CCDC91: variants seen among roughly 807,000 people sequenced by gnomAD.
CCDC91 encodes coiled-coil domain-containing protein 91.
A neutral mutation model predicts 63.2 loss-of-function variants in CCDC91; 48 were observed. That is an observed-to-expected ratio of 0.76 (90% CI 0.60 to 0.97). CCDC91 has a LOEUF of 0.97. Among genes scored for constraint, CCDC91 ranks in the 50% least tolerant of loss-of-function variants. The pLI is 0.00. For missense variants in CCDC91, 500 were observed against 494.6 expected, an observed-to-expected ratio of 1.01 and a Z score of -0.10; for synonymous variants, 167 against 165.8, an observed-to-expected ratio of 1.01 and a Z score of -0.06.
At chr12:28,352,764 C>T (rs74721863) in intron 6 of CCDC91, among the ~76,000 whole-genome samples, 4 of 144,638 alleles carry the variant, frequency 2.8e-5, no homozygotes, top group Non-Finnish European at 4.5e-5. Context: ...CTGTCATCCA[C>T]GCTTTGTTCT....
intron 3 of CCDC91, among the ~76,000 whole-genome samples, chr12:28,290,651 A>T (rs1949190171): frequency 6.6e-6 from 1 of 152,164 alleles, no homozygotes; most frequent in Non-Finnish European, 1.5e-5. Flanking sequence ...GTCCAAATAA[A>T]GCTTTCATCA....
Position 28,458,455 on chromosome 12 carries a change from C to CTTTTTTTTTTTTTTTT in CCDC91, c.1101+5818_1101+5833dup, listed in dbSNP as rs60083355. ...TTCCCTTTTGTCCTCATTTGCACAC[C>CTTTTTTTTTTTTTTTT]TTTTTTTTTTTTTTTTTTTTTTTTT... On this transcript the variant is annotated intron_variant, in intron 11 of 12. Coordinates refer to ENST00000536442, the MANE Select transcript of CCDC91 (RefSeq NM_018318.5). Among the ~76,000 whole-genome samples, 11 of 45,808 alleles carry CTTTTTTTTTTTTTTTT rather than the reference C, an allele frequency of 2.4e-4. 3 individuals carry two copies. The highest frequency in any genetic ancestry group is 1.2e-3 in the African/African-American group (11 of 9,076). The allele number at this position is 45,808 out of a possible 152,430, so 30.1% of individuals were successfully genotyped here.
At chr12:28,265,956 G>A (rs539973354) in intron 3 of CCDC91, among the ~76,000 whole-genome samples, 38 of 152,114 alleles carry the variant, frequency 2.5e-4, no homozygotes, top group African/African-American at 8.2e-4. Context: ...TAATTTTGTA[G>A]TGCCTTTACA....
chr12:28,501,130 G>A (rs576922367), intron 12 of CCDC91, among the ~76,000 whole-genome samples: 50 of 151,602 alleles, frequency 3.3e-4, no homozygotes, highest in Non-Finnish European at 5.5e-4. Context: ...AATTCTATAA[G>A]AAGCACTCTA....
chr12:28,408,226 C>G (rs1947091263), intron 8 of CCDC91, among the ~76,000 whole-genome samples: 1 of 152,098 alleles, frequency 6.6e-6, no homozygotes, highest in African/African-American at 2.4e-5. Flanking sequence ...TGGGTGAGAA[C>G]ATGTGGTGTT....
At chr12:28,264,193 T>TTA (rs2136245235) in intron 3 of CCDC91, among the ~76,000 whole-genome samples, 1 of 151,800 alleles carries the variant, frequency 6.6e-6, no homozygotes, top group East Asian at 1.9e-4. Context: ...GTTTAATATA[T>TTA]TACAGGTCTA....
At chr12:28,492,374 T>A (rs1443338876) in intron 12 of CCDC91, among the ~76,000 whole-genome samples, 3 of 151,792 alleles carry the variant, frequency 2.0e-5, no homozygotes, top group African/African-American at 7.2e-5. Context: ...TTTATAAAGA[T>A]TTTTTTATAT....
intron 1 of CCDC91, among the ~76,000 whole-genome samples, chr12:28,192,560 C>A (rs1941352143): frequency 6.6e-6 from 1 of 152,138 alleles, no homozygotes; most frequent in Non-Finnish European, 1.5e-5. Flanking sequence ...AAAGGCATCT[C>A]TCTTTGGATT....
intron 1 of CCDC91, among the ~76,000 whole-genome samples, chr12:28,212,514 G>GCGCATACC (rs1302268434): frequency 2.0e-5 from 3 of 152,116 alleles, no homozygotes; most frequent in African/African-American, 7.2e-5. Context: ...TCTTTTACAG[G>GCGCATACC]CGCATACCCC....
intron 8 of CCDC91, among the ~76,000 whole-genome samples, chr12:28,447,767 GAA>G (rs1949583237): frequency 2.0e-5 from 1 of 48,912 alleles, no homozygotes; most frequent in Non-Finnish European, 3.9e-5. Context: ...GGAGGGAAGG[GAA>G]GGGCAGGGCA....
chr12:28,416,235 T>C lies in CCDC91; in HGVS notation c.762+24824T>C, dbSNP rs550216706. Among the ~76,000 whole-genome samples the C allele has an allele frequency of 3.9e-5, 6 of 152,272 alleles. No individual in the cohort carries two copies. The South Asian group carries it at 1.2e-3, about 32-fold the overall frequency. ...TGTTATATCCCCACAACTATTATCA[T>C]TGTTGTTGCTGCACTAGCTTAGCAT... On this transcript the variant is annotated intron_variant, in intron 8 of 12. Coordinates refer to ENST00000536442, the MANE Select transcript of CCDC91 (RefSeq NM_018318.5).
chr12:28,264,473 A>G (rs1947042255), intron 3 of CCDC91, among the ~76,000 whole-genome samples: 3 of 151,318 alleles, frequency 2.0e-5, no homozygotes, highest in South Asian at 4.1e-4. Flanking sequence ...TAGTAAACTA[A>G]TAAGAGCAGA....
chr12:28,532,102 C>G (rs935422047), intron 12 of CCDC91, among the ~76,000 whole-genome samples: 8 of 151,894 alleles, frequency 5.3e-5, no homozygotes, highest in African/African-American at 1.9e-4. Context: ...TTATAGAGGG[C>G]ACAACATATA....
chr12:28,242,670 G>C (rs1462931614), intron 1 of CCDC91, among the ~76,000 whole-genome samples: 1 of 152,106 alleles, frequency 6.6e-6, no homozygotes, highest in African/African-American at 2.4e-5. Flanking sequence ...TTTCCCTGCA[G>C]GGAATTCTAA....
intron 11 of CCDC91, among the ~76,000 whole-genome samples, chr12:28,475,447 T>C (rs954960844): frequency 1.3e-5 from 2 of 152,118 alleles, no homozygotes; most frequent in African/African-American, 4.8e-5. Context: ...ACTGTATATC[T>C]ATTAAAATTT....
intron 1 of CCDC91, among the ~76,000 whole-genome samples, chr12:28,222,177 CT>C (rs1400598047): frequency 6.6e-6 from 1 of 152,078 alleles, no homozygotes; most frequent in African/African-American, 2.4e-5. Context: ...AATCTGGTCT[CT>C]GTGTTTCCAC....
chr12:28,284,983 A>C (rs1415507872), intron 3 of CCDC91, among the ~76,000 whole-genome samples: 1 of 152,178 alleles, frequency 6.6e-6, no homozygotes, highest in Non-Finnish European at 1.5e-5. Context: ...ATATTCTCTA[A>C]ACGGAATTCT....
At chr12:28,258,108 T>G (rs1443237308) in intron 2 of CCDC91, among the ~76,000 whole-genome samples, 4 of 151,974 alleles carry the variant, frequency 2.6e-5, no homozygotes, top group African/African-American at 9.7e-5. Context: ...CTTCTTCTCT[T>G]TTGCTGATCT....
intron 12 of CCDC91, among the ~76,000 whole-genome samples, chr12:28,506,582 T>G (rs981919056): frequency 5.3e-5 from 8 of 152,006 alleles, no homozygotes; most frequent in Non-Finnish European, 8.8e-5. Flanking sequence ...CAGCCACTAT[T>G]TATTCATTGT....
Sources: allele counts gnomAD v4.1 joint callset (sites outside exome capture counted in the v4.1 genomes callset), GRCh38; gene constraint gnomAD v4.1.1; transcripts MANE v1.5; gene names NCBI Gene and HGNC (gene_info 2026-07-23, HGNC 2026-07-21).